Variants in PALM2AKAP2 observed in about 807,000 individuals in gnomAD.
PALM2AKAP2 encodes the protein PALM2 and AKAP2 fusion.
A neutral mutation model predicts 71.5 loss-of-function variants in PALM2AKAP2; 37 were observed. The observed-to-expected ratio is 0.52, with a 90% CI of 0.40 to 0.68. The LOEUF (loss-of-function observed/expected upper bound fraction) is 0.68. Ranked by LOEUF, PALM2AKAP2 falls within the 30% of genes least tolerant of loss-of-function variation. The pLI is 0.00. For synonymous variants in PALM2AKAP2, 468 were observed against 478.8 expected (o/e 0.98, Z 0.29); for missense variants, 1,224 against 1,191.8 (o/e 1.03, Z -0.40).
At chr9:110,134,174 G>A (rs1835795766) in intron 1 of PALM2AKAP2, among the ~76,000 whole-genome samples, 1 of 151,866 alleles carries the variant, frequency 6.6e-6, no homozygotes, top group Non-Finnish European at 1.5e-5. Flanking sequence ...AGTCCTAAGG[G>A]AGACTGAGGC....
Position 109,919,280 on chromosome 9 carries a change from C to T in PALM2AKAP2, c.258-4455C>T, listed in dbSNP as rs1290995559. Among the ~76,000 whole-genome samples, 5 of 152,238 alleles carry T rather than the reference C, an allele frequency of 3.3e-5. No individual in the cohort carries two copies. In the South Asian group the frequency reaches 6.2e-4, roughly 19 times the overall value. On this transcript the variant is annotated intron_variant, in intron 3 of 9. Coordinates refer to the PALM2AKAP2 transcript ENST00000302798. ...ACATGGGAAGCTGAGGCCCTGGCCC[C>T]TCTTTCATGCCACAGCCTGGGAGAT...
At chr9:109,785,878 A>G (rs1327439442) in intron 1 of PALM2AKAP2, among the ~76,000 whole-genome samples, 3 of 152,204 alleles carry the variant, frequency 2.0e-5, no homozygotes, top group Non-Finnish European at 4.4e-5. Context: ...ATCCTGCTGG[A>G]CTAAAATCTT....
In PALM2AKAP2 at chr9:110,006,320, C is replaced by CTAT. The variant is rs1238150373; in HGVS notation, c.497-9634_497-9633insTAT. 5.0e-4 allele frequency among the ~76,000 whole-genome samples: 41 copies of CTAT among 82,634 alleles called. 1 individual carries two copies. Among genetic ancestry groups the CTAT allele is most frequent in the African/African-American group, 1.8e-3 (40 of 22,284 alleles). The allele number at this position is 82,634 out of a possible 152,430, so 54.2% of individuals were successfully genotyped here. A position where few individuals can be genotyped will look rare whatever the true frequency, so the allele number is the denominator to read the frequency against. ...TTCCTTTCCCTCCCTTTCCTTCCTT[C>CTAT]CTTCTCTTTCTTTCTTTCTTTCTTT... On this transcript the variant is annotated intron_variant, in intron 6 of 9. Transcript: ENST00000302798.
intron 1 of PALM2AKAP2, among the ~76,000 whole-genome samples, chr9:110,072,633 AGT>A (rs1216988103): frequency 6.6e-6 from 1 of 152,184 alleles, no homozygotes; most frequent in Non-Finnish European, 1.5e-5. Flanking sequence ...GTGCTGGAGT[AGT>A]GTCTTGTTTG....
chr9:109,728,345 A>T (rs1828506047), intron 1 of PALM2AKAP2, among the ~76,000 whole-genome samples: 1 of 152,248 alleles, frequency 6.6e-6, no homozygotes, highest in Admixed American at 6.5e-5. Context: ...CTTACATCTC[A>T]TAGTTAATCA....
At chr9:109,648,942 T>C (rs1827187797) in intron 1 of PALM2AKAP2, among the ~76,000 whole-genome samples, 3 of 152,214 alleles carry the variant, frequency 2.0e-5, no homozygotes, top group Admixed American at 1.3e-4. Context: ...CTCATAATTC[T>C]CCAAGATGTC....
chr9:110,034,666 G>A (rs1035768408), intron 7 of PALM2AKAP2, among the ~76,000 whole-genome samples: 2 of 140,576 alleles, frequency 1.4e-5, no homozygotes, highest in Non-Finnish European at 3.0e-5. Context: ...GTGCAGTGGT[G>A]CAATCTCAGC....
chr9:109,713,194 A>G (rs75328523), intron 1 of PALM2AKAP2, among the ~76,000 whole-genome samples: 6,444 of 152,246 alleles, frequency 0.042, 183 homozygotes, highest in Non-Finnish European at 0.053. Context: ...CATTTATTGA[A>G]TGCTCCCTTC....
intron 7 of PALM2AKAP2, among the ~76,000 whole-genome samples, chr9:110,023,305 C>CCTTTTTTTTT (rs1833108233): frequency 1.4e-5 from 1 of 74,038 alleles, no homozygotes; most frequent in Non-Finnish European, 2.3e-5. Context: ...ATTGTGGTTT[C>CCTTTTTTTTT]TTTTTTTTTT....
chr9:110,105,132 G>A (rs1461092997), intron 1 of PALM2AKAP2, among the ~76,000 whole-genome samples: 1 of 152,220 alleles, frequency 6.6e-6, no homozygotes, highest in Non-Finnish European at 1.5e-5. Flanking sequence ...CTCTGTATAT[G>A]TTTTAATGGT....
At chr9:109,839,998 G>T (rs1828608344) in intron 1 of PALM2AKAP2, among the ~76,000 whole-genome samples, 1 of 152,118 alleles carries the variant, frequency 6.6e-6, no homozygotes, top group Admixed American at 6.5e-5. Flanking sequence ...TTTCTTCATA[G>T]AATTGGAAAA....
chr9:110,030,150 G>A (rs980586398), intron 7 of PALM2AKAP2, among the ~76,000 whole-genome samples: 1 of 152,198 alleles, frequency 6.6e-6, no homozygotes, highest in African/African-American at 2.4e-5. Flanking sequence ...GGTACAGATG[G>A]TTATATACCC....
intron 1 of PALM2AKAP2, among the ~76,000 whole-genome samples, chr9:109,674,095 A>G (rs1827614293): frequency 6.6e-6 from 1 of 151,916 alleles, no homozygotes; most frequent in East Asian, 1.9e-4. Context: ...TTTCTTCTGT[A>G]CTGTCCAGTC....
chr9:109,808,035 A>G (rs937657327), intron 1 of PALM2AKAP2, among the ~76,000 whole-genome samples: 2 of 152,190 alleles, frequency 1.3e-5, no homozygotes, highest in Non-Finnish European at 2.9e-5. Flanking sequence ...ATTCAATTAA[A>G]TGTCTTTCCT....
At chr9:109,793,680 C>G (rs911884077) in intron 1 of PALM2AKAP2, among the ~76,000 whole-genome samples, 4 of 152,194 alleles carry the variant, frequency 2.6e-5, no homozygotes, top group African/African-American at 9.7e-5. Context: ...CAGGGACCAG[C>G]AAACAATAGC....
intron 1 of PALM2AKAP2, among the ~76,000 whole-genome samples, chr9:109,730,987 G>T (rs2118659202): frequency 6.6e-6 from 1 of 152,248 alleles, no homozygotes; most frequent in African/African-American, 2.4e-5. Context: ...TTCCTGAAGT[G>T]CTTTCCTTTG....
intron 1 of PALM2AKAP2, among the ~76,000 whole-genome samples, chr9:110,104,196 G>A (rs919718389): frequency 1.1e-3 from 60 of 56,680 alleles, no homozygotes; most frequent in East Asian, 1.2e-3. Context: ...GGGCGGGGGG[G>A]TAAGGTATCG....
At chr9:109,925,744 C>T (rs912708177) in intron 5 of PALM2AKAP2, among the ~76,000 whole-genome samples, 6 of 152,158 alleles carry the variant, frequency 3.9e-5, no homozygotes, top group African/African-American at 1.4e-4. Context: ...CTTACCTGGA[C>T]TGTGGGGATG....
chr9:109,882,556 G>A (rs1829877465), intron 3 of PALM2AKAP2, among the ~76,000 whole-genome samples: 2 of 152,310 alleles, frequency 1.3e-5, no homozygotes, highest in Admixed American at 6.5e-5. Context: ...TATATAGAGA[G>A]AGAGTAGGTG....
Sources: gnomAD v4.1 joint callset for allele counts (sites outside exome capture counted in the v4.1 genomes callset) on GRCh38, gnomAD v4.1.1 for gene constraint, MANE v1.5 for transcripts, NCBI Gene and HGNC (gene_info 2026-07-23, HGNC 2026-07-21) for gene names.